The following SLC24A3 variants were observed in gnomAD, a reference collection of about 807,000 sequenced individuals.
The protein encoded by SLC24A3 is sodium/potassium/calcium exchanger 3.
A neutral mutation model predicts 75.8 loss-of-function variants in SLC24A3; 28 were observed. The observed-to-expected ratio is 0.37, with a 90% confidence interval of 0.27 to 0.51. SLC24A3 has a LOEUF of 0.51. Among genes scored for constraint, SLC24A3 ranks in the 20% least tolerant of loss-of-function variants. The pLI is 0.94. For missense variants in SLC24A3, 663 were observed against 847.8 expected (o/e 0.78, Z 2.71); for synonymous variants, 372 against 334.1 (o/e 1.11, Z -1.24).
At chr20:19,445,726 C>T (rs1987371401) in intron 2 of SLC24A3, among the ~76,000 whole-genome samples, 1 of 152,120 alleles carries the variant, frequency 6.6e-6, no homozygotes, top group Non-Finnish European at 1.5e-5. Flanking sequence ...ACAAAGTCAG[C>T]TCTGACAGCC....
intron 3 of SLC24A3, among the ~76,000 whole-genome samples, chr20:19,540,835 C>T (rs957564557): frequency 1.1e-4 from 16 of 152,146 alleles, no homozygotes; most frequent in Non-Finnish European, 2.9e-5. Flanking sequence ...CAGCCTTAGC[C>T]CACTCATTAC....
Position 19,449,141 on chromosome 20 carries a change from A to G in SLC24A3, c.272-66347A>G, listed in dbSNP as rs149218216. On this transcript the variant is annotated intron_variant, in intron 2 of 16. Coordinates refer to ENST00000328041, the MANE Select transcript of SLC24A3 (RefSeq NM_020689.4). ...CAACATCCAGGGACTCCATGGCGGTAGAACTGGATGAAATGCCTCTCAGAG... is the reference window on the plus strand; with the variant it reads ...CAACATCCAGGGACTCCATGGCGGTGGAACTGGATGAAATGCCTCTCAGAG... 2.6e-4 allele frequency among the ~76,000 whole-genome samples: 39 copies of G among 152,364 alleles called. 1 individual carries two copies. The East Asian group carries it at 7.5e-3, about 29-fold the overall frequency.
intron 2 of SLC24A3, among the ~76,000 whole-genome samples, chr20:19,495,459 C>T (rs1245707484): frequency 1.3e-5 from 2 of 152,180 alleles, no homozygotes; most frequent in Non-Finnish European, 2.9e-5. Flanking sequence ...TGTAGCTGGT[C>T]AGACATGAAC....
chr20:19,446,747 G>A (rs986671855), intron 2 of SLC24A3, among the ~76,000 whole-genome samples: 19 of 152,198 alleles, frequency 1.2e-4, no homozygotes, highest in African/African-American at 4.6e-4. Context: ...CAAATTTAGA[G>A]TGACTTTTGG....
intron 6 of SLC24A3, among the ~76,000 whole-genome samples, chr20:19,649,716 G>A (rs924318857): frequency 3.3e-5 from 5 of 152,158 alleles, no homozygotes; most frequent in Non-Finnish European, 5.9e-5. Context: ...ATGGGAGGCA[G>A]TCGCAAGTGG....
chr20:19,705,625 TC>T (rs1264576569), intron 15 of SLC24A3, among the ~76,000 whole-genome samples: 1 of 152,178 alleles, frequency 6.6e-6, no homozygotes, highest in African/African-American at 2.4e-5. Context: ...TTTCTGCATC[TC>T]TGACATCAGA....
At chr20:19,525,607 G>A (rs1372265321) in intron 3 of SLC24A3, among the ~76,000 whole-genome samples, 2 of 152,154 alleles carry the variant, frequency 1.3e-5, no homozygotes, top group Non-Finnish European at 2.9e-5. Flanking sequence ...AGGGCTGCTT[G>A]GGGGTCCCAA....
intron 1 of SLC24A3, among the ~76,000 whole-genome samples, chr20:19,274,726 G>C (rs997709783): frequency 6.6e-6 from 1 of 152,170 alleles, no homozygotes; most frequent in African/African-American, 2.4e-5. Context: ...AAGACTTCAG[G>C]GGGAGGGGCA....
chr20:19,629,761 T>C (rs1009081018), intron 6 of SLC24A3, among the ~76,000 whole-genome samples: 3 of 152,170 alleles, frequency 2.0e-5, no homozygotes, highest in African/African-American at 7.2e-5. Flanking sequence ...TTCAAAGTGC[T>C]AAAAGAAAAA....
intron 2 of SLC24A3, among the ~76,000 whole-genome samples, chr20:19,355,859 T>C (rs1303282710): frequency 6.6e-6 from 1 of 152,190 alleles, no homozygotes; most frequent in Non-Finnish European, 1.5e-5. Flanking sequence ...CCGTTGATGA[T>C]AAAGTCATGG....
intron 2 of SLC24A3, among the ~76,000 whole-genome samples, chr20:19,410,789 T>A (rs1315392643): frequency 6.6e-6 from 1 of 152,220 alleles, no homozygotes; most frequent in Non-Finnish European, 1.5e-5. Flanking sequence ...TAGCAACATC[T>A]TCATTCACCA....
At chr20:19,559,904 G>A (rs1330053204) in intron 3 of SLC24A3, among the ~76,000 whole-genome samples, 1 of 151,992 alleles carries the variant, frequency 6.6e-6, no homozygotes, top group Non-Finnish European at 1.5e-5. Flanking sequence ...TTTAACAACT[G>A]GCTCTCCTAA....
chr20:19,659,817 G>A (rs1029669987), intron 7 of SLC24A3, among the ~76,000 whole-genome samples: 1 of 151,946 alleles, frequency 6.6e-6, no homozygotes, highest in Non-Finnish European at 1.5e-5. Context: ...CTACCCCACC[G>A]CCCACTCCCC....
At chr20:19,662,326 C>T (rs953649768) in intron 7 of SLC24A3, among the ~76,000 whole-genome samples, 2 of 152,300 alleles carry the variant, frequency 1.3e-5, no homozygotes, top group East Asian at 1.9e-4. Flanking sequence ...ACAGGAGGTC[C>T]GTCAAGTGCA....
intron 1 of SLC24A3, among the ~76,000 whole-genome samples, chr20:19,278,240 A>G (rs1403934635): frequency 1.3e-5 from 2 of 152,190 alleles, no homozygotes; most frequent in Admixed American, 6.5e-5. Context: ...CTCACATCTT[A>G]GGTGTCTGAG....
At chr20:19,687,831 G>A (rs549702866) in intron 12 of SLC24A3, among the ~76,000 whole-genome samples, 26 of 152,072 alleles carry the variant, frequency 1.7e-4, no homozygotes, top group Non-Finnish European at 7.4e-5. Flanking sequence ...ACTCGTGCTC[G>A]CCACCCTCTG....
At chr20:19,698,898 G>A (rs902233763) in intron 15 of SLC24A3, among the ~76,000 whole-genome samples, 1 of 152,114 alleles carries the variant, frequency 6.6e-6, no homozygotes, top group African/African-American at 2.4e-5. Context: ...CTGTCGAGGG[G>A]CAAATACTAA....
At chr20:19,601,936 G>A (rs897818680) in intron 6 of SLC24A3, among the ~76,000 whole-genome samples, 2 of 152,222 alleles carry the variant, frequency 1.3e-5, no homozygotes, top group East Asian at 1.9e-4. Context: ...ATTTTAGGAG[G>A]CTGAGGCGGA....
chr20:19,529,484 A>G (rs1366068725), intron 3 of SLC24A3, among the ~76,000 whole-genome samples: 1 of 152,116 alleles, frequency 6.6e-6, no homozygotes, highest in African/African-American at 2.4e-5. Context: ...TCTCCATCCC[A>G]TCTCCTCTCC....
Sources: gnomAD v4.1 joint callset for allele counts (sites outside exome capture counted in the v4.1 genomes callset) on GRCh38, gnomAD v4.1.1 for gene constraint, MANE v1.5 for transcripts, NCBI Gene and HGNC (gene_info 2026-07-23, HGNC 2026-07-21) for gene names.